IVD: variants seen among roughly 807,000 people sequenced by gnomAD.
The protein encoded by IVD is isovaleryl-CoA dehydrogenase, mitochondrial.
Under a neutral mutation model 51.3 loss-of-function variants are expected in IVD, and 31 were observed. The observed-to-expected ratio is 0.60, with a 90% CI of 0.45 to 0.81. The LOEUF is 0.81. IVD is among the 40% of genes least tolerant of loss of function. IVD has a pLI of 0.00. For missense variants in IVD, 475 were observed against 552.0 expected, an observed-to-expected ratio of 0.86 and a Z score of 1.40; for synonymous variants, 205 against 219.4, an observed-to-expected ratio of 0.93 and a Z score of 0.58.
chr15:40,415,329 C>T (rs970104861), intron 8 of IVD, 72 bp from the exon 9 acceptor site: 84 of 1,323,092 alleles, frequency 6.3e-5, no homozygotes, highest in Middle Eastern at 5.9e-4. Context: ...GGCCTTCCCA[C>T]GCTAGCATTT....
At chr15:40,432,760 A>T (rs1893049125) in intron 7 of IVD, among the ~76,000 whole-genome samples, 1 of 152,266 alleles carries the variant, frequency 6.6e-6, no homozygotes, top group African/African-American at 2.4e-5. Context: ...TGGAGAAGCC[A>T]TGGGAAGAGG....
chr15:40,412,882 G>A (rs943837360), intron 6 of IVD, 109 bp from the exon 7 acceptor site: 7 of 816,678 alleles, frequency 8.6e-6, no homozygotes, highest in Non-Finnish European at 1.5e-5. Flanking sequence ...TGCTGTGCAG[G>A]TACAGGGACT....
chr15:40,418,567 A>C lies in IVD; in HGVS notation c.*304A>C. On this transcript the variant is annotated 3_prime_UTR_variant, in exon 12 of 12. Coordinates refer to ENST00000487418, the MANE Select transcript of IVD (RefSeq NM_002225.5). ...CCCTTGCTCTCTAACTTCTGAGCCC[A>C]CCTCCCAGGGTAGGCACCTGGGGGC... 1 of 929,232 alleles carries C rather than the reference A, an allele frequency of 1.1e-6. No homozygotes were observed. Among genetic ancestry groups the C allele is most frequent in the Non-Finnish European group, 1.4e-6 (1 of 727,178 alleles). 57.6% of individuals were successfully genotyped at this position (929,232 alleles called of 1,614,324 possible).
intron 7 of IVD, chr15:40,414,492 T>C (rs770601860): frequency 3.5e-6 from 1 of 281,946 alleles, no homozygotes; most frequent in Admixed American, 4.1e-5. Flanking sequence ...GGAGGTGACA[T>C]TGGACCAGAG....
intron 7 of IVD, among the ~76,000 whole-genome samples, chr15:40,431,239 C>T (rs1350113704): frequency 6.6e-6 from 1 of 151,948 alleles, no homozygotes; most frequent in African/African-American, 2.4e-5. Flanking sequence ...CCACCTCTGC[C>T]TCCCTGAGAC....
chr15:40,435,708 AT>A, downstream of IVD: 1 of 1,017,314 alleles, frequency 9.8e-7, no homozygotes, highest in Non-Finnish European at 1.2e-6. Context: ...CCTCACCCCT[AT>A]ACCACAGCTC....
chr15:40,434,442 C>G (rs540581770), intron 8 of IVD, among the ~76,000 whole-genome samples: 21 of 152,298 alleles, frequency 1.4e-4, no homozygotes, highest in Non-Finnish European at 2.1e-4. Flanking sequence ...CCTAGAATGC[C>G]ATCCTTCCTT....
intron 7 of IVD, among the ~76,000 whole-genome samples, chr15:40,413,653 T>G (rs1891324875): frequency 6.8e-6 from 1 of 147,882 alleles, no homozygotes. Flanking sequence ...GGCATGGATT[T>G]GTTGTTTGGG....
chr15:40,411,631 C>T lies in IVD; in HGVS notation c.627C>T (p.Ala209=), dbSNP rs780758214. ...GPDADVLIVY[A]KTDLAAVPAS... ...ATGCTGACGTCCTGATTGTCTATGC[C>T]AAGACAGATCTGGCTGCTGTGCCAG... is the stretch of plus-strand genomic sequence containing the variant. Residue 209 remains alanine, a synonymous_variant, in exon 6 of 12, where the codon GCC becomes GCT. Transcript: ENST00000487418. 1.9e-6 allele frequency: 3 copies of T among 1,614,184 alleles called. No individual in the cohort carries two copies. Among genetic ancestry groups the T allele is most frequent in the East Asian group, 2.2e-5 (1 of 44,876 alleles).
At chr15:40,412,905 G>T in intron 6 of IVD, 86 bp from the exon 7 acceptor site, 1 of 999,044 alleles carries the variant, frequency 1.0e-6, no homozygotes, top group Non-Finnish European at 1.6e-6. Flanking sequence ...ATAGGAAGGT[G>T]AGTGCCTTCT....
downstream of IVD, among the ~76,000 whole-genome samples, chr15:40,426,273 T>C (rs1010606335): frequency 1.8e-4 from 27 of 152,146 alleles, 4 homozygotes; most frequent in African/African-American, 6.5e-4. Context: ...CGCGGTGGCT[T>C]ATACCTGTAA....
rs753508865 is a variant in IVD, at chr15:40,414,920, T to C, written c.816T>C (p.Gly272=). 9 of 1,613,980 alleles carry C rather than the reference T, an allele frequency of 5.6e-6. No homozygotes were observed. The African/African-American group carries it at 1.2e-4, about 22-fold the overall frequency. Residue 272 remains glycine, a synonymous_variant, in exon 8 of 12, where the codon GGT becomes GGC. Transcript: ENST00000487418. ...ACATCCTGGGCCATGAGAATAAGGGTGTCTACGTGCTGATGAGTGGGCTGG... is the reference window on the plus strand; with the variant it reads ...ACATCCTGGGCCATGAGAATAAGGGCGTCTACGTGCTGATGAGTGGGCTGG... ...AANILGHENK[G]VYVLMSGLDL...
At chr15:40,410,533 T>C (rs1890949787) in intron 3 of IVD, 95 bp from the exon 4 acceptor site, 2 of 1,399,350 alleles carry the variant, frequency 1.4e-6, no homozygotes, top group Non-Finnish European at 1.0e-6. Context: ...TGCTACAAGG[T>C]GCTTCCCTTC....
At chr15:40,434,302 C>T (rs764208718) in intron 8 of IVD, among the ~76,000 whole-genome samples, 13 of 152,166 alleles carry the variant, frequency 8.5e-5, no homozygotes, top group Non-Finnish European at 1.5e-4. Flanking sequence ...TTGAAAGCCC[C>T]ATAGACAGTT....
downstream of IVD, among the ~76,000 whole-genome samples, chr15:40,422,585 C>CTTTTTTT (rs1157351420): frequency 1.2e-3 from 84 of 69,140 alleles, 6 homozygotes; most frequent in African/African-American, 3.4e-3. Context: ...GCCCGGCCGA[C>CTTTTTTT]TTTTTTTTTT....
At position 40,405,841 on chromosome 15, in the gene IVD, C is replaced by G. The variant is rs1890336017; in HGVS notation, c.14C>G (p.Thr5Ser). MATATRLLGWRVASW... is the reference protein window; with the variant it reads MATASRLLGWRVASW... Reference sequence around the variant, plus strand: ...TGCATGGCAGAGATGGCGACTGCGACTCGGCTGCTGGGGTGGCGTGTGGCG... The same window carrying G: ...TGCATGGCAGAGATGGCGACTGCGAGTCGGCTGCTGGGGTGGCGTGTGGCG... Residue 5 changes from threonine (T) to serine (S), a missense_variant, in exon 1 of 12, where the codon ACT becomes AGT. By Grantham distance (58) the Thr-to-Ser change is moderately conservative. Coordinates refer to ENST00000487418, the MANE Select transcript of IVD (RefSeq NM_002225.5). The G allele has an allele frequency of 1.2e-6, 2 of 1,612,016 alleles. No individual in the cohort carries two copies. The highest frequency in any genetic ancestry group is 1.3e-5 in the African/African-American group (1 of 74,878).
chr15:40,411,712 G>A (rs1223031626), intron 6 of IVD, 21 bp downstream of exon 6: 12 of 1,613,786 alleles, frequency 7.4e-6, no homozygotes, highest in Non-Finnish European at 9.3e-6. Flanking sequence ...GTGGGTGCAG[G>A]GCCAGGAGGC....
At chr15:40,414,698 T>G in intron 7 of IVD, 191 bp from the exon 8 acceptor site, 1 of 925,294 alleles carries the variant, frequency 1.1e-6, no homozygotes, top group Non-Finnish European at 1.6e-6. Context: ...GTGGGAGTCC[T>G]GGCAGCTCCA....
At chr15:40,435,559 A>C, downstream of IVD, 1 of 1,158,046 alleles carries the variant, frequency 8.6e-7, no homozygotes, top group South Asian at 1.6e-5. Flanking sequence ...TGCTCCCCCA[A>C]CTCGCCTCTT....
Sources: gnomAD v4.1 joint callset for allele counts (sites outside exome capture counted in the v4.1 genomes callset) on GRCh38, gnomAD v4.1.1 for gene constraint, MANE v1.5 for transcripts, NCBI Gene and HGNC (gene_info 2026-07-23, HGNC 2026-07-21) for gene names.